TTLL7: variants seen among roughly 807,000 people sequenced by gnomAD.
TTLL7 encodes tubulin tyrosine ligase like 7, also known as tubulin polyglutamylase TTLL7.
TTLL7 carries 53 observed loss-of-function variants against 120.2 expected under a neutral mutation model. The observed-to-expected ratio is 0.44, with a 90% confidence interval of 0.35 to 0.55. The LOEUF (loss-of-function observed/expected upper bound fraction) is 0.55. Among genes scored for constraint, TTLL7 ranks in the 20% least tolerant of loss-of-function variants. The probability of loss-of-function intolerance (pLI) is 0.00; values close to 1 mark genes in which losing one functional copy is unlikely to be tolerated. For synonymous variants in TTLL7, 353 were observed against 351.7 expected (o/e 1.00, Z -0.04); for missense variants, 803 against 1,054.7 (o/e 0.76, Z 3.31).
intron 8 of TTLL7, among the ~76,000 whole-genome samples, chr1:83,934,941 A>G (rs1647258397): frequency 6.6e-6 from 1 of 152,184 alleles, no homozygotes; most frequent in Admixed American, 6.6e-5. Flanking sequence ...TTACTCTATC[A>G]TTCCTCTAGA....
chr1:83,932,226 T>G (rs1323292522), intron 9 of TTLL7, among the ~76,000 whole-genome samples: 1 of 152,174 alleles, frequency 6.6e-6, no homozygotes, highest in Non-Finnish European at 1.5e-5. Context: ...ATCCTCCTTA[T>G]GCATGTGCCT....
chr1:83,870,184 T>A, intron 20 of TTLL7, 102 bp from the exon 21 acceptor site: 1 of 1,115,966 alleles, frequency 9.0e-7, no homozygotes, highest in Non-Finnish European at 1.2e-6. Flanking sequence ...ATGAGAAATG[T>A]TACTGTAACA....
In TTLL7 at chr1:83,933,592, T is replaced by C; in HGVS notation, c.1047+16A>G. The C allele has an allele frequency of 1.2e-6, 2 of 1,605,952 alleles. No individual in the cohort carries two copies. Among genetic ancestry groups the C allele is most frequent in the Non-Finnish European group, 1.7e-6 (2 of 1,177,372 alleles). On this transcript the variant is annotated intron_variant, in intron 9 of 20. Transcript: ENST00000260505. ...GGACAGTGATAACTCTTCTTTTTTC[T>C]TAAAGAATGCCTTACCTCCAGAAGC...
rs373141032 is a variant in TTLL7 at position 83,892,885 on chromosome 1, AAGAG to A, written c.2209-2408_2209-2405del. On this transcript the variant is annotated intron_variant, in intron 18 of 20. Transcript: ENST00000260505. Reference sequence around the variant, plus strand: ...GAATATATATAAAGAAAAGAGCAAAAAGAGAGAAAGAGAAAGAAGGAAAAAGAAA... The same window carrying A: ...GAATATATATAAAGAAAAGAGCAAAAAGAAAGAGAAAGAAGGAAAAAGAAA... 7.8e-4 allele frequency among the ~76,000 whole-genome samples: 112 copies of A among 143,458 alleles called. 3 individuals carry two copies. The South Asian group carries it at 0.013, about 16-fold the overall frequency. 94.1% of individuals were successfully genotyped at this position (143,458 alleles called of 152,430 possible).
intron 1 of TTLL7, among the ~76,000 whole-genome samples, chr1:83,962,381 T>C (rs1650089988): frequency 1.3e-5 from 2 of 152,246 alleles, no homozygotes; most frequent in Admixed American, 1.3e-4. Flanking sequence ...CACACCTTAT[T>C]GCCCTTCTTG....
chr1:83,914,460 T>C (rs1321463384), intron 14 of TTLL7, among the ~76,000 whole-genome samples: 1 of 151,166 alleles, frequency 6.6e-6, no homozygotes, highest in Non-Finnish European at 1.5e-5. Flanking sequence ...GCCTCCCGAG[T>C]AGCTGGGACT....
intron 20 of TTLL7, among the ~76,000 whole-genome samples, chr1:83,871,779 C>T (rs1184448123): frequency 6.6e-6 from 1 of 151,726 alleles, no homozygotes; most frequent in Non-Finnish European, 1.5e-5. Flanking sequence ...TGCCTGTAGT[C>T]CCAGCTACTC....
intron 1 of TTLL7, among the ~76,000 whole-genome samples, chr1:83,992,557 C>T (rs537231844): frequency 1.3e-5 from 2 of 152,134 alleles, no homozygotes; most frequent in East Asian, 3.9e-4. Context: ...AGCTATAGAC[C>T]AATTTCAAAT....
At chr1:83,986,230 T>C (rs1268455978) in intron 1 of TTLL7, among the ~76,000 whole-genome samples, 1 of 152,176 alleles carries the variant, frequency 6.6e-6, no homozygotes, top group Non-Finnish European at 1.5e-5. Flanking sequence ...ATATGTATAA[T>C]GTGTGTGTAT....
rs139425624 is a variant in TTLL7 at position 83,932,325 on chromosome 1, A to T, written c.1047+1283T>A. Among the ~76,000 whole-genome samples the T allele has an allele frequency of 1.2e-4, 19 of 152,320 alleles. No homozygotes were observed. In the East Asian group the frequency reaches 3.7e-3, roughly 29 times the overall value. On this transcript the variant is annotated intron_variant, in intron 9 of 20. Transcript: ENST00000260505. ...AAGAACAGGAAAGGACTGCTGCAGAAAAAGTAAGAAATCTAAAGAAAACTT... is the reference window on the plus strand; with the variant it reads ...AAGAACAGGAAAGGACTGCTGCAGATAAAGTAAGAAATCTAAAGAAAACTT...
At chr1:83,876,497 G>C (rs1449260618) in intron 20 of TTLL7, among the ~76,000 whole-genome samples, 1 of 151,810 alleles carries the variant, frequency 6.6e-6, no homozygotes, top group Non-Finnish European at 1.5e-5. Context: ...CATTTGTTGA[G>C]ATTTATAGTA....
chr1:83,919,640 G>C, intron 13 of TTLL7, 59 bp downstream of exon 13: 3 of 1,470,298 alleles, frequency 2.0e-6, no homozygotes, highest in Non-Finnish European at 2.7e-6. Context: ...TGGCTTGTCT[G>C]TAAAGACATA....
At chr1:83,900,393 C>A (rs1243126033) in intron 18 of TTLL7, among the ~76,000 whole-genome samples, 1 of 151,930 alleles carries the variant, frequency 6.6e-6, no homozygotes. Context: ...CATAAGATAG[C>A]TGAATACAAA....
chr1:83,995,593 C>T (rs568553644), intron 1 of TTLL7, among the ~76,000 whole-genome samples: 3 of 151,944 alleles, frequency 2.0e-5, no homozygotes, highest in South Asian at 2.1e-4. Context: ...GAACTGTGAG[C>T]CAATTACACC....
rs114897334 is a variant in TTLL7, at chr1:83,898,891, A to T, written c.2208+5188T>A. On this transcript the variant is annotated intron_variant, in intron 18 of 20. Transcript: ENST00000260505. ...TAATGCTACTTACTAAGTAGAAAAAATTTTTTTTAAAAAATCCCAATGAGA... is the reference window on the plus strand; with the variant it reads ...TAATGCTACTTACTAAGTAGAAAAATTTTTTTTTAAAAAATCCCAATGAGA... 4.6e-3 allele frequency among the ~76,000 whole-genome samples: 695 copies of T among 151,772 alleles called. 4 individuals are homozygous for T. The highest frequency in any genetic ancestry group is 0.014 in the African/African-American group (590 of 41,400).
At position 83,917,951 on chromosome 1, in the gene TTLL7, T is replaced by C. The variant is rs572352468; in HGVS notation, c.1501-261A>G. Reference sequence around the variant, plus strand: ...ACAAATGTATCTTTATAGTACAGTATAGTATTAAAATCTTAGAGTATAATA... The same window carrying C: ...ACAAATGTATCTTTATAGTACAGTACAGTATTAAAATCTTAGAGTATAATA... On this transcript the variant is annotated intron_variant, in intron 13 of 20. Transcript: ENST00000260505. 1.6e-4 allele frequency among the ~76,000 whole-genome samples: 25 copies of C among 152,294 alleles called. No individual in the cohort carries two copies. The East Asian group carries it at 4.0e-3, about 25-fold the overall frequency.
At chr1:83,903,552 T>C (rs1656914508) in intron 18 of TTLL7, among the ~76,000 whole-genome samples, 1 of 152,050 alleles carries the variant, frequency 6.6e-6, no homozygotes, top group Non-Finnish European at 1.5e-5. Flanking sequence ...GGTGGAATAT[T>C]TGCATATAAC....
chr1:83,938,290 T>C (rs560458954), intron 7 of TTLL7, among the ~76,000 whole-genome samples: 1 of 152,108 alleles, frequency 6.6e-6, no homozygotes, highest in Non-Finnish European at 1.5e-5. Flanking sequence ...GAATATAGAG[T>C]AATTAAAATG....
chr1:83,877,674 G>A (rs1654048124), intron 20 of TTLL7, among the ~76,000 whole-genome samples: 1 of 151,796 alleles, frequency 6.6e-6, no homozygotes, highest in African/African-American at 2.4e-5. Context: ...AGAATCTGTA[G>A]TAACGTCTCC....
Sources: allele counts gnomAD v4.1 joint callset (sites outside exome capture counted in the v4.1 genomes callset), GRCh38; gene constraint gnomAD v4.1.1; transcripts MANE v1.5; gene names NCBI Gene and HGNC (gene_info 2026-07-23, HGNC 2026-07-21).